Variants in ARID2 observed in about 807,000 individuals in gnomAD.
ARID2 encodes the protein AT-rich interactive domain-containing protein 2.
In ARID2, 32 loss-of-function variants were observed where a neutral mutation model predicts 184.6. The observed-to-expected ratio is 0.17, with a 90% CI of 0.13 to 0.23. ARID2 has a LOEUF of 0.23. ARID2 is among the 10% of genes least tolerant of loss of function. The pLI is 1.00. For missense variants in ARID2, 1,696 were observed against 2,197.6 expected (o/e 0.77, Z 4.56); for synonymous variants, 836 against 772.6 (o/e 1.08, Z -1.36).
At position 45,758,695 on chromosome 12, in the gene ARID2, A is replaced by G. The variant is rs562574275; in HGVS notation, c.284+27381A>G. On this transcript the variant is annotated intron_variant, in intron 3 of 20. Transcript: ENST00000334344. ...TTATTCTTTCCTATCCTCCTCCTTA[A>G]TGGTTTCCATCTCATGGTCTAAGAT... Among the ~76,000 whole-genome samples, 3 of 152,146 alleles carry G rather than the reference A, an allele frequency of 2.0e-5. No individual in the cohort carries two copies. The East Asian group carries it at 5.8e-4, about 29-fold the overall frequency.
chr12:45,821,368 A>G, intron 5 of ARID2, 52 bp from the exon 6 acceptor site: 1 of 1,134,890 alleles, frequency 8.8e-7, no homozygotes, highest in Non-Finnish European at 1.2e-6. Flanking sequence ...TAATTAATTG[A>G]AAGAATTTAT....
intron 11 of ARID2, chr12:45,840,957 A>G (rs987345772): frequency 1.3e-5 from 2 of 152,224 alleles, no homozygotes; most frequent in African/African-American, 2.4e-5. Context: ...AGTCTATTCA[A>G]TGAGCTTTCA....
At chr12:45,881,418 CTCT>C (rs1047778456) in intron 16 of ARID2, 2 of 154,786 alleles carry the variant, frequency 1.3e-5, no homozygotes, top group African/African-American at 4.8e-5. Context: ...ACTCTCTTTC[CTCT>C]TCTTTTTTTC....
intron 16 of ARID2, among the ~76,000 whole-genome samples, chr12:45,866,759 T>C (rs1257857310): frequency 6.6e-6 from 1 of 152,206 alleles, no homozygotes; most frequent in African/African-American, 2.4e-5. Context: ...AGTGTTCCTA[T>C]ATAGCACTGC....
chr12:45,774,186 C>G (rs563933547), intron 3 of ARID2, among the ~76,000 whole-genome samples: 1 of 152,054 alleles, frequency 6.6e-6, no homozygotes, highest in East Asian at 1.9e-4. Flanking sequence ...TAAGATTATA[C>G]CAAATACTAG....
At chr12:45,839,260 G>A (rs1188109633) in intron 10 of ARID2, 69 bp from the exon 11 acceptor site, 4 of 1,353,540 alleles carry the variant, frequency 3.0e-6, no homozygotes, top group Admixed American at 2.1e-5. Flanking sequence ...TGTACAACAT[G>A]TGTTCACCAG....
chr12:45,901,482 A>G (rs1341711173), intron 20 of ARID2, among the ~76,000 whole-genome samples: 7 of 150,774 alleles, frequency 4.6e-5, no homozygotes, highest in African/African-American at 1.7e-4. Flanking sequence ...AAATTTCCTT[A>G]ATTTTTAAGA....
At position 45,849,659 on chromosome 12, in the gene ARID2, G is replaced by A. The variant is rs2138156946; in HGVS notation, c.1795G>A (p.Val599Ile). 1.2e-6 allele frequency: 2 copies of A among 1,613,844 alleles called. No individual in the cohort carries two copies. The highest frequency in any genetic ancestry group is 2.2e-5 in the East Asian group (1 of 44,864). Residue 599 changes from valine to isoleucine, a missense_variant, in exon 14 of 21, where the codon GTA becomes ATA. Val to Ile is a conservative substitution (Grantham distance 29). Transcript: ENST00000334344. ...GCAGGCACATATTCATGTGGTAGGA[G>A]TAAAACGGAGGGCTATACCACTTCC... ...NGQAHIHVVG[V>I]KRRAIPLPIQ...
intron 15 of ARID2, 92 bp from the exon 16 acceptor site, chr12:45,860,709 A>G (rs1592127092): frequency 6.2e-6 from 7 of 1,128,172 alleles, no homozygotes; most frequent in East Asian, 3.2e-5. Flanking sequence ...GTAGAAATGT[A>G]TAACAACATA....
chr12:45,822,744 T>C (rs1942921980), intron 6 of ARID2, among the ~76,000 whole-genome samples: 1 of 152,122 alleles, frequency 6.6e-6, no homozygotes, highest in Non-Finnish European at 1.5e-5. Flanking sequence ...AAGGTAATTA[T>C]ATAATGAAAC....
At position 45,729,927 on chromosome 12, in the gene ARID2, G is replaced by C. The variant is rs759263837; in HGVS notation, c.91G>C (p.Gly31Arg). Residue 31 changes from glycine to arginine, a missense_variant and splice_region_variant, in exon 1 of 21, where the codon GGG becomes CGG. This residue lies in a region of ARID2 where 54 missense variants were observed against 59.9 expected (regional missense o/e 0.90). Coordinates refer to ENST00000334344, the MANE Select transcript of ARID2 (RefSeq NM_152641.4). ...GCTGCGGCAGTTCCACCACAGCAGA[G>C]GGTGAGAGCAGAACCGGGGGGGCAG... ...DELRQFHHSR[G>R]SPFKKIPAVG... 2.5e-6 allele frequency: 4 copies of C among 1,608,118 alleles called. No homozygotes were observed. Among genetic ancestry groups the C allele is most frequent in the Non-Finnish European group, 2.5e-6 (3 of 1,177,382 alleles).
chr12:45,748,225 A>G (rs775741087), intron 3 of ARID2, among the ~76,000 whole-genome samples: 3 of 152,022 alleles, frequency 2.0e-5, no homozygotes, highest in Non-Finnish European at 4.4e-5. Context: ...CTGTCTCTAC[A>G]AAAGAAAATG....
chr12:45,837,190 A>G lies in ARID2; in HGVS notation c.1024-131A>G, dbSNP rs1943235338. ...TTGAAATGATGCTTTAAATTCAGAA[A>G]TGGCTATTTTTACAATAACATTTTT... is the stretch of plus-strand genomic sequence containing the variant. On this transcript the variant is annotated intron_variant, in intron 8 of 20. Transcript: ENST00000334344. The G allele has an allele frequency of 1.2e-5, 14 of 1,125,424 alleles. No homozygotes were observed. The South Asian group carries it at 1.9e-4, about 15-fold the overall frequency. 69.7% of individuals were successfully genotyped at this position (1,125,424 alleles called of 1,614,324 possible). A position where few individuals can be genotyped will look rare whatever the true frequency, so the allele number is the denominator to read the frequency against.
chr12:45,902,534 A>T (rs1370758245), intron 20 of ARID2, among the ~76,000 whole-genome samples: 1 of 151,268 alleles, frequency 6.6e-6, no homozygotes, highest in East Asian at 1.9e-4. Context: ...TTATTTTGTA[A>T]ATTTTTTTTT....
chr12:45,795,167 A>G (rs1942366217), intron 3 of ARID2, among the ~76,000 whole-genome samples: 1 of 152,062 alleles, frequency 6.6e-6, no homozygotes, highest in African/African-American at 2.4e-5. Context: ...GAAGGGTGAT[A>G]TTTAGTATGG....
chr12:45,887,971 G>T (rs758407167), intron 16 of ARID2, among the ~76,000 whole-genome samples: 1 of 152,090 alleles, frequency 6.6e-6, no homozygotes, highest in Non-Finnish European at 1.5e-5. Context: ...CTAGGCGGGC[G>T]GATCACGAGG....
At chr12:45,788,600 C>A (rs549090076) in intron 3 of ARID2, among the ~76,000 whole-genome samples, 1 of 152,072 alleles carries the variant, frequency 6.6e-6, no homozygotes, top group Non-Finnish European at 1.5e-5. Context: ...CTCCCTACCC[C>A]CTACCCAGGA....
At chr12:45,759,356 T>C (rs1392491813) in intron 3 of ARID2, among the ~76,000 whole-genome samples, 1 of 152,140 alleles carries the variant, frequency 6.6e-6, no homozygotes, top group Admixed American at 6.5e-5. Flanking sequence ...TGCAGATACT[T>C]GATGTACAGA....
chr12:45,752,480 A>G (rs1460227627), intron 3 of ARID2, among the ~76,000 whole-genome samples: 1 of 152,226 alleles, frequency 6.6e-6, no homozygotes, highest in East Asian at 1.9e-4. Context: ...TTAGGGAGGA[A>G]ACACTCAGTA....
Sources: allele counts gnomAD v4.1 joint callset (sites outside exome capture counted in the v4.1 genomes callset), GRCh38; gene constraint gnomAD v4.1.1; regional missense constraint gnomAD v4.1.1; transcripts MANE v1.5; gene names NCBI Gene and HGNC (gene_info 2026-07-23, HGNC 2026-07-21).